The following SORCS3 variants were observed in gnomAD, a reference collection of about 807,000 sequenced individuals.
SORCS3 encodes the protein VPS10 domain-containing receptor SorCS3.
In SORCS3, 57 loss-of-function variants were observed where a neutral mutation model predicts 146.3. The ratio of observed to expected loss-of-function variants is 0.39; its 90% confidence interval spans 0.31 to 0.49. The LOEUF (loss-of-function observed/expected upper bound fraction) is 0.49. SORCS3 is among the 20% of genes least tolerant of loss of function. The pLI is 0.92. For missense variants in SORCS3, 1,341 were observed against 1,575.5 expected, an observed-to-expected ratio of 0.85 and a Z score of 2.52; for synonymous variants, 653 against 618.5, an observed-to-expected ratio of 1.06 and a Z score of -0.83.
chr10:105,222,098 G>A (rs1038251602), intron 19 of SORCS3, among the ~76,000 whole-genome samples: 3 of 114,872 alleles, frequency 2.6e-5, no homozygotes, highest in Admixed American at 2.5e-4. Context: ...TGCTCTTGTC[G>A]CCCAGGCTGG....
intron 1 of SORCS3, among the ~76,000 whole-genome samples, chr10:104,773,565 C>T (rs111341271): frequency 0.037 from 5,592 of 152,264 alleles, 121 homozygotes; most frequent in Admixed American, 0.05. Context: ...TGCCAGCTGA[C>T]GCAGGGCTAA....
At chr10:105,163,977 C>A (rs907253002) in intron 11 of SORCS3, among the ~76,000 whole-genome samples, 7 of 152,028 alleles carry the variant, frequency 4.6e-5, no homozygotes, top group Admixed American at 2.6e-4. Flanking sequence ...CTCTTCCACT[C>A]TTTGCTTCCT....
chr10:104,842,851 A>G lies in SORCS3; in HGVS notation c.687A>G (p.Ser229=), dbSNP rs924913009. The G allele has an allele frequency of 6.2e-7, 1 of 1,613,716 alleles. No homozygotes were observed. The highest frequency in any genetic ancestry group is 8.5e-7 in the Non-Finnish European group (1 of 1,179,684). The change falls in exon 2 of 27, where the codon TCA becomes TCG. Residue 229 remains serine, a synonymous_variant. Coordinates refer to ENST00000369701, the MANE Select transcript of SORCS3 (RefSeq NM_014978.3). Reference sequence around the variant, plus strand: ...ACCTGGGCAGCGTGACTGAGAGTTCACTATGGAGGTAAGCAGATTAGAGAT... The same window carrying G: ...ACCTGGGCAGCGTGACTGAGAGTTCGCTATGGAGGTAAGCAGATTAGAGAT... ...DFNLGSVTES[S]LWRSTDYGTT...
chr10:104,849,130 G>T (rs997166053), intron 2 of SORCS3, among the ~76,000 whole-genome samples: 1 of 152,112 alleles, frequency 6.6e-6, no homozygotes, highest in Non-Finnish European at 1.5e-5. Flanking sequence ...AAGAAAAACA[G>T]CCAGGCCTGG....
intron 12 of SORCS3, among the ~76,000 whole-genome samples, chr10:105,164,999 A>G (rs770416389): frequency 6.6e-6 from 1 of 152,232 alleles, no homozygotes; most frequent in Non-Finnish European, 1.5e-5. Context: ...GTGCTTGTCC[A>G]TGCAGCTATG....
chr10:105,003,035 G>A (rs2055071387), intron 4 of SORCS3, among the ~76,000 whole-genome samples: 1 of 152,150 alleles, frequency 6.6e-6, no homozygotes, highest in Non-Finnish European at 1.5e-5. Flanking sequence ...AAAAGTTCAT[G>A]CAGCTCATGC....
intron 14 of SORCS3, among the ~76,000 whole-genome samples, chr10:105,196,057 G>A (rs2056542336): frequency 6.6e-6 from 1 of 152,148 alleles, no homozygotes; most frequent in African/African-American, 2.4e-5. Flanking sequence ...AATCGAACAA[G>A]TCTGTAAGTC....
intron 1 of SORCS3, among the ~76,000 whole-genome samples, chr10:104,697,016 A>G (rs953816793): frequency 2.6e-5 from 4 of 151,714 alleles, no homozygotes; most frequent in African/African-American, 7.3e-5. Flanking sequence ...AATTTCAGTT[A>G]TAAGCTGAAC....
At chr10:104,752,192 G>A (rs2016996288) in intron 1 of SORCS3, among the ~76,000 whole-genome samples, 1 of 150,982 alleles carries the variant, frequency 6.6e-6, no homozygotes, top group African/African-American at 2.4e-5. Flanking sequence ...CTGCCACCAT[G>A]CTGTCTATTT....
At chr10:105,187,188 G>A (rs2056482539) in intron 14 of SORCS3, among the ~76,000 whole-genome samples, 1 of 151,956 alleles carries the variant, frequency 6.6e-6, no homozygotes. Context: ...ATGCTTTTTA[G>A]TCTCTTTCTC....
chr10:105,241,520 A>C (rs1346414383), intron 20 of SORCS3, among the ~76,000 whole-genome samples: 1 of 152,194 alleles, frequency 6.6e-6, no homozygotes, highest in Non-Finnish European at 1.5e-5. Flanking sequence ...CACTGCGAGT[A>C]AAGGGCCAGT....
chr10:104,949,092 A>T (rs902919376), intron 3 of SORCS3, among the ~76,000 whole-genome samples: 7 of 152,172 alleles, frequency 4.6e-5, no homozygotes, highest in Non-Finnish European at 8.8e-5. Flanking sequence ...CTTTGGCAAT[A>T]ACCACAATTT....
At chr10:104,740,072 G>A (rs759347766) in intron 1 of SORCS3, among the ~76,000 whole-genome samples, 9 of 152,140 alleles carry the variant, frequency 5.9e-5, no homozygotes, top group Non-Finnish European at 8.8e-5. Context: ...TTCATAGAAC[G>A]TATTTCTTGG....
At chr10:105,053,205 T>C (rs868425406) in intron 5 of SORCS3, among the ~76,000 whole-genome samples, 2 of 152,138 alleles carry the variant, frequency 1.3e-5, no homozygotes, top group Non-Finnish European at 2.9e-5. Flanking sequence ...TATCTTCAGA[T>C]ACCATCAGTT....
rs868312002 is a variant in SORCS3, at chr10:105,046,600, T to A, written c.1028+3472T>A. On this transcript the variant is annotated intron_variant, in intron 5 of 26. Coordinates refer to ENST00000369701, the MANE Select transcript of SORCS3 (RefSeq NM_014978.3). ...TAAGGAGTTATCATTATTATCCGCT[T>A]CTTCATTAGTGCCCCACCCTTCTTG... 2.6e-5 allele frequency among the ~76,000 whole-genome samples: 4 copies of A among 152,230 alleles called. No homozygotes were observed. In the South Asian group the frequency reaches 8.3e-4, roughly 32 times the overall value.
intron 7 of SORCS3, among the ~76,000 whole-genome samples, chr10:105,126,228 GCAAA>G (rs768637874): frequency 3.9e-5 from 6 of 152,040 alleles, no homozygotes; most frequent in Non-Finnish European, 7.4e-5. Flanking sequence ...GTAACACACA[GCAAA>G]CAAACAAAAG....
intron 5 of SORCS3, among the ~76,000 whole-genome samples, chr10:105,087,448 G>C (rs978421945): frequency 1.3e-5 from 2 of 149,570 alleles, no homozygotes; most frequent in East Asian, 3.9e-4. Context: ...ATATATTTGG[G>C]ATACATTGGG....
chr10:104,886,564 A>ATCCG (rs2018689921), intron 2 of SORCS3, among the ~76,000 whole-genome samples: 1 of 82,918 alleles, frequency 1.2e-5, no homozygotes, highest in African/African-American at 5.2e-5. Flanking sequence ...TCATCTATCT[A>ATCCG]TCTATCTATC....
At position 104,697,028 on chromosome 10, in the gene SORCS3, A is replaced by AGTTCT. The variant is rs371873092; in HGVS notation, c.627+55076_627+55080dup. On this transcript the variant is annotated intron_variant, in intron 1 of 26. Transcript: ENST00000369701. ...CAAAATTTCAGTTATAAGCTGAACC[A>AGTTCT]GTTCTGGGGATCTAATGTCCAGCAT... Among the ~76,000 whole-genome samples the AGTTCT allele has an allele frequency of 2.6e-3, 398 of 151,896 alleles. 2 individuals carry two copies. Among genetic ancestry groups the AGTTCT allele is most frequent in the African/African-American group, 9.2e-3 (381 of 41,412 alleles).
Sources: allele counts gnomAD v4.1 joint callset (sites outside exome capture counted in the v4.1 genomes callset), GRCh38; gene constraint gnomAD v4.1.1; transcripts MANE v1.5; gene names NCBI Gene and HGNC (gene_info 2026-07-23, HGNC 2026-07-21).